The following RIMOC1 variants were observed in gnomAD, a reference collection of about 807,000 sequenced individuals.
The protein encoded by RIMOC1 is RAB7A interacting MON1-CCZ1 complex subunit 1, also known as RAB7A-interacting MON1-CCZ1 complex subunit 1.
chr5:41,916,306 GTTTA>G, the RIMOC1 span: 1 of 667,536 alleles, frequency 1.5e-6, no homozygotes, highest in Non-Finnish European at 1.9e-6. Context: ...TTTATTCTAG[GTTTA>G]TTTGTCTTTC....
At chr5:41,920,099 T>G in the RIMOC1 span, 1 of 152,078 alleles carries the variant, frequency 6.6e-6, no homozygotes, top group African/African-American at 2.4e-5. Context: ...AGTGTTTAGA[T>G]TCTGAACCTG....
At chr5:41,915,605 T>A in the RIMOC1 span, among the ~76,000 whole-genome samples, 1 of 152,114 alleles carries the variant, frequency 6.6e-6, no homozygotes, top group African/African-American at 2.4e-5. Flanking sequence ...AGAAGGCACT[T>A]CTTACATGGC....
chr5:41,907,740 C>T, the RIMOC1 span: 1 of 1,597,974 alleles, frequency 6.3e-7, no homozygotes, highest in Non-Finnish European at 8.5e-7. Context: ...TTATAGATCA[C>T]TTTTTAATTC....
the RIMOC1 span, among the ~76,000 whole-genome samples, chr5:41,913,208 A>G: frequency 6.6e-6 from 1 of 152,222 alleles, no homozygotes; most frequent in African/African-American, 2.4e-5. Flanking sequence ...GAAGTTTCTT[A>G]CAACCTCCAT....
chr5:41,918,434 G>A, the RIMOC1 span: 2 of 985,252 alleles, frequency 2.0e-6, no homozygotes, highest in Non-Finnish European at 2.4e-6. Context: ...GCCCCTTTCA[G>A]GCTTTCTTCC....
the RIMOC1 span, among the ~76,000 whole-genome samples, chr5:41,905,406 G>A: frequency 1.3e-5 from 2 of 152,288 alleles, no homozygotes; most frequent in Non-Finnish European, 2.9e-5. Context: ...CTAGTAGTGG[G>A]ACAACAGGCG....
At chr5:41,912,744 C>T in the RIMOC1 span, among the ~76,000 whole-genome samples, 1 of 152,202 alleles carries the variant, frequency 6.6e-6, no homozygotes, top group African/African-American at 2.4e-5. Context: ...CCACCAGCTT[C>T]CTCCCTCAAC....
At chr5:41,918,829 CT>C in the RIMOC1 span, 1 of 906,124 alleles carries the variant, frequency 1.1e-6, no homozygotes, top group Non-Finnish European at 1.3e-6. Flanking sequence ...TATTTACCAA[CT>C]TTACTCATTT....
the RIMOC1 span, chr5:41,907,664 C>T: frequency 1.2e-6 from 1 of 811,384 alleles, no homozygotes; most frequent in South Asian, 1.6e-5. Flanking sequence ...CATCTTCATA[C>T]ATAATGTGTT....
chr5:41,906,943 T>A, the RIMOC1 span, among the ~76,000 whole-genome samples: 1 of 152,112 alleles, frequency 6.6e-6, no homozygotes, highest in African/African-American at 2.4e-5. Flanking sequence ...AGTGTCTTGA[T>A]TATGGGTGTA....
At chr5:41,914,388 C>T in the RIMOC1 span, among the ~76,000 whole-genome samples, 25 of 151,808 alleles carry the variant, frequency 1.6e-4, no homozygotes, top group Admixed American at 6.6e-4. Context: ...ACCTAGGAGG[C>T]GGAGGTTGCA....
chr5:41,914,664 G>C, the RIMOC1 span, among the ~76,000 whole-genome samples: 1 of 151,914 alleles, frequency 6.6e-6, no homozygotes. Context: ...CAGCTACATG[G>C]CAGGCTGAGG....
the RIMOC1 span, chr5:41,917,556 T>C: frequency 8.0e-6 from 9 of 1,127,960 alleles, no homozygotes; most frequent in Non-Finnish European, 9.8e-6. Flanking sequence ...TCACTAATAA[T>C]GAGTAGTAAC....
At chr5:41,913,310 T>C in the RIMOC1 span, among the ~76,000 whole-genome samples, 4 of 152,174 alleles carry the variant, frequency 2.6e-5, no homozygotes, top group African/African-American at 9.7e-5. Context: ...CCATCCCAAA[T>C]AAAATTAAGA....
the RIMOC1 span, among the ~76,000 whole-genome samples, chr5:41,904,959 A>T: frequency 6.6e-6 from 1 of 152,186 alleles, no homozygotes; most frequent in African/African-American, 2.4e-5. Flanking sequence ...TGTGTAGACT[A>T]TTCTGCCCCA....
chr5:41,904,461 G>A, the RIMOC1 span: 1 of 1,613,958 alleles, frequency 6.2e-7, no homozygotes, highest in Non-Finnish European at 8.5e-7. Flanking sequence ...AGCTGCCGGT[G>A]AAGATGGTGA....
chr5:41,910,028 C>A, the RIMOC1 span: 1 of 665,228 alleles, frequency 1.5e-6, no homozygotes, highest in Non-Finnish European at 2.4e-6. Context: ...GATAAAAGAG[C>A]TTAACACTTC....
At chr5:41,919,950 G>T in the RIMOC1 span, 1 of 152,122 alleles carries the variant, frequency 6.6e-6, no homozygotes, top group African/African-American at 2.4e-5. Flanking sequence ...CCTTAGTAAT[G>T]TTTTTGAATT....
At chr5:41,912,141 G>C in the RIMOC1 span, 1 of 1,611,354 alleles carries the variant, frequency 6.2e-7, no homozygotes, top group South Asian at 1.1e-5. Context: ...AAATGAAGGA[G>C]TTTCTTTCCA....
Sources: allele counts gnomAD v4.1 joint callset (sites outside exome capture counted in the v4.1 genomes callset), GRCh38; gene constraint gnomAD v4.1.1; transcripts MANE v1.5; gene names NCBI Gene and HGNC (gene_info 2026-07-23, HGNC 2026-07-21).